Variants in PPP2R2B observed in about 807,000 individuals in gnomAD.
PPP2R2B encodes serine/threonine-protein phosphatase 2A 55 kDa regulatory subunit B beta isoform.
PPP2R2B carries 5 observed loss-of-function variants against 46.0 expected under a neutral mutation model. That is an observed-to-expected ratio of 0.11 (90% confidence interval 0.06 to 0.23). The LOEUF (loss-of-function observed/expected upper bound fraction) is 0.23. PPP2R2B is among the 10% of genes least tolerant of loss of function. The pLI is 1.00. For synonymous variants in PPP2R2B, 215 were observed against 206.7 expected (o/e 1.04, Z -0.34); for missense variants, 367 against 575.0 (o/e 0.64, Z 3.70).
intron 1 of PPP2R2B, among the ~76,000 whole-genome samples, chr5:146,911,095 T>TTC (rs1382157504): frequency 1.3e-5 from 2 of 152,108 alleles, no homozygotes; most frequent in African/African-American, 4.8e-5. Context: ...TTTCTTTTTT[T>TTC]TTTTTTGAGA....
Position 146,709,114 on chromosome 5 carries a change from A to G in PPP2R2B, c.71-7972T>C, listed in dbSNP as rs138183539. ...ATCAGTGTCTAGTATTTGGATACTG[A>G]ATATTCTTCCTTTCATTTAATTAAT... On this transcript the variant is annotated intron_variant, in intron 2 of 9. Transcript: ENST00000394411. Among the ~76,000 whole-genome samples, 4 of 152,284 alleles carry G rather than the reference A, an allele frequency of 2.6e-5. No individual in the cohort carries two copies. The East Asian group carries it at 5.8e-4, about 22-fold the overall frequency.
At chr5:146,857,889 G>A (rs1424472415) in intron 2 of PPP2R2B, among the ~76,000 whole-genome samples, 2 of 152,094 alleles carry the variant, frequency 1.3e-5, no homozygotes, top group Non-Finnish European at 2.9e-5. Flanking sequence ...GTTTCTCCAT[G>A]TTGGTCAGGC....
intron 1 of PPP2R2B, among the ~76,000 whole-genome samples, chr5:146,920,903 A>G (rs900959837): frequency 1.3e-5 from 2 of 152,222 alleles, no homozygotes; most frequent in Non-Finnish European, 2.9e-5. Context: ...AAAGTATTTT[A>G]TCCTTTGACC....
Position 146,878,397 on chromosome 5 carries a change from T to TCCCG in PPP2R2B, c.-125+190_-125+193dup, listed in dbSNP as rs1225383202. ...ATACGCCGTGCCCCGAGGGGTCTGG[T>TCCCG]CCCGCCCGCCCGCCCCGGAGGCGCT... On this transcript the variant is annotated intron_variant, in intron 1 of 9. Coordinates refer to ENST00000394411, the MANE Select transcript of PPP2R2B (RefSeq NM_181675.4). The surrounding 1 kb of genome is among the most constrained non-coding windows in gnomAD (Gnocchi z 4.5). 4.2e-5 allele frequency: 58 copies of TCCCG among 1,372,292 alleles called. No homozygotes were observed. Among genetic ancestry groups the TCCCG allele is most frequent in the Middle Eastern group, 2.7e-4 (1 of 3,712 alleles). 85.0% of individuals were successfully genotyped at this position (1,372,292 alleles called of 1,614,324 possible). A position where few individuals can be genotyped will look rare whatever the true frequency, so the allele number is the denominator to read the frequency against.
chr5:146,718,713 C>T (rs1780630344), intron 2 of PPP2R2B, among the ~76,000 whole-genome samples: 1 of 152,184 alleles, frequency 6.6e-6, no homozygotes, highest in Non-Finnish European at 1.5e-5. Context: ...GAAAGGCAAT[C>T]GAACACCAGA....
At chr5:146,740,550 C>T (rs1329314843) in intron 2 of PPP2R2B, among the ~76,000 whole-genome samples, 1 of 148,276 alleles carries the variant, frequency 6.7e-6, no homozygotes, top group African/African-American at 2.5e-5. Context: ...TTGGATCTGC[C>T]AAATTAATAT....
chr5:146,800,050 G>A (rs1756771753), intron 2 of PPP2R2B, among the ~76,000 whole-genome samples: 1 of 151,960 alleles, frequency 6.6e-6, no homozygotes, highest in Admixed American at 6.6e-5. Flanking sequence ...AAAAACCTAA[G>A]ACGATAATCA....
At chr5:146,629,869 A>T (rs1239264043) in intron 7 of PPP2R2B, among the ~76,000 whole-genome samples, 1 of 151,252 alleles carries the variant, frequency 6.6e-6, no homozygotes, top group Admixed American at 6.6e-5. Flanking sequence ...GCTAGAGTGC[A>T]GTGGCACAAT....
chr5:146,644,802 G>A (rs1352779150), intron 6 of PPP2R2B, among the ~76,000 whole-genome samples: 1 of 152,172 alleles, frequency 6.6e-6, no homozygotes, highest in Admixed American at 6.5e-5. Flanking sequence ...GTTTTACACT[G>A]GAGTGAATAT....
At chr5:146,908,265 T>C (rs1763066254) in intron 1 of PPP2R2B, among the ~76,000 whole-genome samples, 1 of 152,280 alleles carries the variant, frequency 6.6e-6, no homozygotes, top group Admixed American at 6.5e-5. Flanking sequence ...ACATGACAGA[T>C]CTTTGTAAAG....
chr5:146,934,960 G>A (rs1764093544), intron 1 of PPP2R2B, among the ~76,000 whole-genome samples: 1 of 152,092 alleles, frequency 6.6e-6, no homozygotes, highest in Admixed American at 6.6e-5. Flanking sequence ...CTACTGCAAA[G>A]CATTCATACT....
intron 2 of PPP2R2B, among the ~76,000 whole-genome samples, chr5:146,858,683 T>G (rs954741966): frequency 6.6e-6 from 1 of 152,204 alleles, no homozygotes; most frequent in Admixed American, 6.5e-5. Flanking sequence ...CTTACCTATT[T>G]TCTTGCTCAT....
At chr5:146,680,099 T>C (rs1221993851) in intron 5 of PPP2R2B, among the ~76,000 whole-genome samples, 8 of 151,904 alleles carry the variant, frequency 5.3e-5, no homozygotes, top group South Asian at 2.1e-4. Context: ...TGCACACTTA[T>C]GTTTATTGTG....
At chr5:146,868,325 G>C (rs180713276) in intron 2 of PPP2R2B, among the ~76,000 whole-genome samples, 12 of 152,346 alleles carry the variant, frequency 7.9e-5, no homozygotes, top group Admixed American at 6.5e-4. Context: ...GAACCTTCTT[G>C]CCAGAAGGAT....
chr5:147,002,135 C>A (rs1194963059), intron 1 of PPP2R2B, among the ~76,000 whole-genome samples: 1 of 152,154 alleles, frequency 6.6e-6, no homozygotes, highest in Non-Finnish European at 1.5e-5. Flanking sequence ...GTCTCTGGTG[C>A]TTTTCTATTT....
chr5:147,041,917 C>T (rs1756327974), intron 1 of PPP2R2B, among the ~76,000 whole-genome samples: 1 of 152,058 alleles, frequency 6.6e-6, no homozygotes, highest in Non-Finnish European at 1.5e-5. Context: ...TGAATTGACC[C>T]TCCCTTAGCT....
chr5:146,998,857 C>G, intron 1 of PPP2R2B, among the ~76,000 whole-genome samples: 1 of 151,814 alleles, frequency 6.6e-6, no homozygotes, highest in South Asian at 2.1e-4. Flanking sequence ...ACCACTGATT[C>G]GGTGTTTAAA....
At chr5:146,978,208 CTTTTTGATGGG>C (rs1297925159) in intron 1 of PPP2R2B, among the ~76,000 whole-genome samples, 1 of 152,038 alleles carries the variant, frequency 6.6e-6, no homozygotes, top group East Asian at 1.9e-4. Flanking sequence ...GCTTTGCCCA[CTTTTTGATGGG>C]TTTTTTTTAA....
At chr5:146,929,558 A>G (rs188028259) in intron 1 of PPP2R2B, among the ~76,000 whole-genome samples, 23 of 152,310 alleles carry the variant, frequency 1.5e-4, no homozygotes, top group Admixed American at 1.4e-3. Context: ...TTGGGAAATG[A>G]TGGATATAAT....
Sources: allele counts gnomAD v4.1 joint callset (sites outside exome capture counted in the v4.1 genomes callset), GRCh38; gene constraint gnomAD v4.1.1; non-coding constraint Gnocchi (gnomAD v3.1); transcripts MANE v1.5; gene names NCBI Gene and HGNC (gene_info 2026-07-23, HGNC 2026-07-21).